CDH17: variants seen among roughly 807,000 people sequenced by gnomAD.
CDH17 encodes cadherin-17.
CDH17 carries 67 observed loss-of-function variants against 86.3 expected under a neutral mutation model. The observed-to-expected ratio is 0.78, with a 90% CI of 0.64 to 0.95. CDH17 has a LOEUF of 0.95. Among genes scored for constraint, CDH17 ranks in the 40% least tolerant of loss-of-function variants. CDH17 has a pLI of 0.00. For synonymous variants in CDH17, 367 were observed against 366.4 expected (o/e 1.00, Z -0.02); for missense variants, 993 against 1,017.6 (o/e 0.98, Z 0.33).
chr8:94,176,052 C>A (rs973208081), intron 5 of CDH17, among the ~76,000 whole-genome samples: 1 of 151,986 alleles, frequency 6.6e-6, no homozygotes, highest in Non-Finnish European at 1.5e-5. Flanking sequence ...CCACACCTGG[C>A]AAACTATTAT....
chr8:94,186,662 C>T (rs1404116463), intron 3 of CDH17, among the ~76,000 whole-genome samples: 1 of 152,216 alleles, frequency 6.6e-6, no homozygotes, highest in East Asian at 1.9e-4. Context: ...TCTATAGTTA[C>T]TCAAACCAGG....
intron 13 of CDH17, among the ~76,000 whole-genome samples, chr8:94,150,442 C>A (rs1327155538): frequency 1.3e-5 from 2 of 152,164 alleles, no homozygotes; most frequent in Non-Finnish European, 2.9e-5. Context: ...GATTCAAATC[C>A]ATTGGGTGCT....
At chr8:94,166,577 C>T (rs1171832930) in intron 9 of CDH17, among the ~76,000 whole-genome samples, 1 of 152,160 alleles carries the variant, frequency 6.6e-6, no homozygotes, top group Non-Finnish European at 1.5e-5. Context: ...ACACATTCAG[C>T]CCATAACACC....
chr8:94,148,711 C>CCTTTTT, intron 14 of CDH17, 33 bp downstream of exon 14: 1 of 1,345,940 alleles, frequency 7.4e-7, no homozygotes, highest in African/African-American at 1.7e-5. Flanking sequence ...ATCTGTGTTC[C>CCTTTTT]TTTTTTTTTG....
intron 1 of CDH17, among the ~76,000 whole-genome samples, chr8:94,199,519 A>T (rs1813864000): frequency 6.6e-6 from 1 of 152,130 alleles, no homozygotes; most frequent in African/African-American, 2.4e-5. Context: ...ATGATAGAAA[A>T]GCAAATAAAA....
chr8:94,157,720 C>G (rs1461725876), intron 12 of CDH17, among the ~76,000 whole-genome samples: 2 of 152,190 alleles, frequency 1.3e-5, no homozygotes, highest in African/African-American at 4.8e-5. Context: ...AGTTCAAGAC[C>G]AGCCTGGGCA....
At chr8:94,184,277 T>G (rs1813536278) in intron 3 of CDH17, among the ~76,000 whole-genome samples, 1 of 151,960 alleles carries the variant, frequency 6.6e-6, no homozygotes, top group Non-Finnish European at 1.5e-5. Flanking sequence ...AAGTTGTACA[T>G]GAATAGCCAT....
Position 94,168,756 on chromosome 8 carries a change from G to A in CDH17, c.1066+1641C>T, listed in dbSNP as rs534343568. ...TATCCTCTTCCCAGATGAGGTAGGC[G>A]CCTCGAAAAGAGCTTCCAGCAACCC... On this transcript the variant is annotated intron_variant, in intron 9 of 17. Coordinates refer to ENST00000027335, the MANE Select transcript of CDH17 (RefSeq NM_004063.4). 7.2e-5 allele frequency among the ~76,000 whole-genome samples: 11 copies of A among 152,198 alleles called. No homozygotes were observed. The East Asian group carries it at 1.2e-3, about 16-fold the overall frequency.
rs1813315542 is a variant in CDH17, at chr8:94,173,801, G to C, written c.779C>G (p.Thr260Ser). The change falls in exon 7 of 18, where the codon ACT becomes AGT. Residue 260 changes from threonine to serine, a missense_variant. Coordinates refer to ENST00000027335, the MANE Select transcript of CDH17 (RefSeq NM_004063.4). ...NSTDPHPIKI[T>S]QVRWNDPGAQ... ...TTACTTGGGCTTGGGTACTACCTGA[G>C]TGATTTTGATGGGGTGAGGATCAGT... 6.2e-7 allele frequency: 1 copy of C among 1,613,324 alleles called. No individual in the cohort carries two copies. Among genetic ancestry groups the C allele is most frequent in the Non-Finnish European group, 8.5e-7 (1 of 1,179,602 alleles).
intron 1 of CDH17, among the ~76,000 whole-genome samples, chr8:94,216,401 C>T (rs903243467): frequency 6.6e-6 from 1 of 152,130 alleles, no homozygotes; most frequent in African/African-American, 2.4e-5. Context: ...CTGGCTCTAT[C>T]AATGAGCCTC....
intron 1 of CDH17, among the ~76,000 whole-genome samples, chr8:94,198,068 T>C (rs1219211784): frequency 6.6e-6 from 1 of 152,008 alleles, no homozygotes; most frequent in Non-Finnish European, 1.5e-5. Flanking sequence ...TTATATAGTT[T>C]GATAGCTACC....
intron 1 of CDH17, among the ~76,000 whole-genome samples, chr8:94,204,639 T>C (rs1813989686): frequency 6.6e-6 from 1 of 152,264 alleles, no homozygotes; most frequent in Non-Finnish European, 1.5e-5. Flanking sequence ...TAGAATGATT[T>C]ATAATCCTTT....
At chr8:94,211,106 A>G (rs949594375), upstream of CDH17, among the ~76,000 whole-genome samples, 1 of 152,024 alleles carries the variant, frequency 6.6e-6, no homozygotes, top group Non-Finnish European at 1.5e-5. Flanking sequence ...ATGGTGGTGA[A>G]AACATTTCAA....
rs1812866263 is a variant in CDH17 at position 94,152,046 on chromosome 8, C to A, written c.1618G>T (p.Val540Leu). ...CTTGCATTGTACTTCACACCAAACA[C>A]TAGAGGCTCAGGATTTTCTGCTTTG... ...VFKAENPEPL[V>L]FGVKYNASSF... is the part of the protein sequence containing the mutation. The change falls in exon 13 of 18, where the codon GTG (valine) becomes TTG (leucine). Residue 540 changes from valine to leucine, a missense_variant. By Grantham distance (32) the Val-to-Leu change is conservative (BLOSUM62 1). Coordinates refer to ENST00000027335, the MANE Select transcript of CDH17 (RefSeq NM_004063.4). 1.2e-6 allele frequency: 2 copies of A among 1,614,066 alleles called. No homozygotes were observed. The highest frequency in any genetic ancestry group is 1.3e-5 in the African/African-American group (1 of 74,934).
At chr8:94,213,713 C>G (rs1259820252) in intron 1 of CDH17, among the ~76,000 whole-genome samples, 1 of 152,156 alleles carries the variant, frequency 6.6e-6, no homozygotes, top group East Asian at 1.9e-4. Context: ...CTGAAACCAC[C>G]CTCACCGAGG....
chr8:94,209,421 C>T (rs1814086834), upstream of CDH17, among the ~76,000 whole-genome samples: 1 of 152,156 alleles, frequency 6.6e-6, no homozygotes, highest in Admixed American at 6.5e-5. Context: ...TTCTCCTGAG[C>T]TGAGGTTGTG....
upstream of CDH17, among the ~76,000 whole-genome samples, chr8:94,211,195 T>C (rs1814117067): frequency 6.6e-6 from 1 of 152,116 alleles, no homozygotes. Context: ...AAGTAATTAA[T>C]TTATGGACAT....
rs1813242775 is a variant in CDH17, at chr8:94,170,358, A to G, written c.1066+39T>C. 7 of 1,598,108 alleles carry G rather than the reference A, an allele frequency of 4.4e-6. No individual in the cohort carries two copies. In the Middle Eastern group the frequency reaches 5.0e-4, roughly 114 times the overall value. ...TTTACCCAGCAGAGGAGAGAAATGG[A>G]GGGCAGTTACACAGCATTAGGCAGC... On this transcript the variant is annotated intron_variant, in intron 9 of 17. Coordinates refer to ENST00000027335, the MANE Select transcript of CDH17 (RefSeq NM_004063.4).
chr8:94,131,137 C>T, intron 15 of CDH17, 145 bp from the exon 16 acceptor site: 2 of 611,294 alleles, frequency 3.3e-6, no homozygotes, highest in Non-Finnish European at 5.8e-6. Flanking sequence ...CACATCATTC[C>T]ACATGTATCT....
Sources: gnomAD v4.1 joint callset for allele counts (sites outside exome capture counted in the v4.1 genomes callset) on GRCh38, gnomAD v4.1.1 for gene constraint, MANE v1.5 for transcripts, NCBI Gene and HGNC (gene_info 2026-07-23, HGNC 2026-07-21) for gene names.